TERT: variants seen among roughly 807,000 people sequenced by gnomAD.
TERT encodes the protein telomerase catalytic subunit.
TERT carries 42 observed loss-of-function variants against 104.0 expected under a neutral mutation model. The ratio of observed to expected loss-of-function variants is 0.40; its 90% CI spans 0.32 to 0.52. The LOEUF is 0.52. TERT is among the 20% of genes least tolerant of loss of function. The probability of loss-of-function intolerance (pLI) is 0.43; values close to 1 mark genes in which losing one functional copy is unlikely to be tolerated. For synonymous variants in TERT, 781 were observed against 725.6 expected, an observed-to-expected ratio of 1.08 and a Z score of -1.23; for missense variants, 1,101 against 1,610.3, an observed-to-expected ratio of 0.68 and a Z score of 5.41.
At chr5:1,254,326 C>A (rs1378399356) in intron 15 of TERT, 42 bp downstream of exon 15, 1 of 1,612,600 alleles carries the variant, frequency 6.2e-7, no homozygotes, top group East Asian at 2.2e-5. Context: ...AAGGATGACC[C>A]CTGGGCAGGT....
intron 8 of TERT, 44 bp downstream of exon 8, chr5:1,271,075 G>A (rs771353627): frequency 2.7e-5 from 41 of 1,527,048 alleles, no homozygotes; most frequent in Admixed American, 2.2e-4. Flanking sequence ...CTGCCAGCCC[G>A]CCCAGCCACC....
At chr5:1,276,687 T>C (rs112588394) in intron 6 of TERT, among the ~76,000 whole-genome samples, 1 of 46,058 alleles carries the variant, frequency 2.2e-5, no homozygotes, top group African/African-American at 4.7e-5. Context: ...ACCCCACACA[T>C]GAAAACCAAT....
chr5:1,279,454 G>A lies in TERT; in HGVS notation c.1967C>T (p.Ser656Leu). 3 of 1,549,844 alleles carry A rather than the reference G, an allele frequency of 1.9e-6. No homozygotes were observed. Among genetic ancestry groups the A allele is most frequent in the East Asian group, 2.4e-5 (1 of 41,034 alleles). The change falls in exon 5 of 16, where the codon TCG becomes TTG. Residue 656 changes from serine to leucine, a missense_variant. Around this residue, in one of 5 missense-constraint regions of TERT, gnomAD observed 463 missense variants for 797.5 expected, o/e 0.58. Transcript: ENST00000310581. Reference protein sequence around the residue: ...RREKRAERLTSRVKALFSVLN... With the variant: ...RREKRAERLTLRVKALFSVLN... ...CACGCTGAACAGTGCCTTCACCCTC[G>A]AGGTGAGACGCTCGGCCTGGCGGGG...
rs946930302 is a variant in TERT at position 1,257,847 on chromosome 5, C to T, written c.3032+751G>A. ...ACACTCCTTCTCAGCCCTCATGGGG[C>T]GAGGGCTTCGGCCTCCTGGCATTCA... On this transcript the variant is annotated intron_variant, in intron 13 of 15. Coordinates refer to ENST00000310581, the MANE Select transcript of TERT (RefSeq NM_198253.3). The surrounding 1 kb of genome is among the most constrained non-coding windows in gnomAD (Gnocchi z 5.6). 6.6e-6 allele frequency among the ~76,000 whole-genome samples: 1 copy of T among 152,202 alleles called. No individual in the cohort carries two copies. The highest frequency in any genetic ancestry group is 1.5e-5 in the Non-Finnish European group (1 of 68,038).
chr5:1,263,971 A>G lies in TERT; in HGVS notation c.2843+433T>C, dbSNP rs565151867. 6.6e-6 allele frequency among the ~76,000 whole-genome samples: 1 copy of G among 151,880 alleles called. No individual in the cohort carries two copies. The highest frequency in any genetic ancestry group is 2.4e-5 in the African/African-American group (1 of 41,322). On this transcript the variant is annotated intron_variant, in intron 11 of 15. Coordinates refer to ENST00000310581, the MANE Select transcript of TERT (RefSeq NM_198253.3). The surrounding 1 kb of genome is among the most constrained non-coding windows in gnomAD (Gnocchi z 5.3). ...CTCACAGCGGAGAGACTCACGCCCA[A>G]AAGGGCCCTGAAGTCTCTGGGTTCG...
chr5:1,254,064 G>A (rs1448269761), intron 15 of TERT, among the ~76,000 whole-genome samples: 1 of 152,224 alleles, frequency 6.6e-6, no homozygotes, highest in African/African-American at 2.4e-5. Context: ...GGAGCTCAGG[G>A]CAGCAGCCAG....
rs1296268344 is a variant in TERT at position 1,268,231 on chromosome 5, CT to C, written c.2582+288del. Among the ~76,000 whole-genome samples, 1 of 152,228 alleles carries C rather than the reference CT, an allele frequency of 6.6e-6. No homozygotes were observed. The highest frequency in any genetic ancestry group is 1.5e-5 in the Non-Finnish European group (1 of 68,042). On this transcript the variant is annotated intron_variant, in intron 9 of 15. Transcript: ENST00000310581. This position sits in a 1 kb window ranked among gnomAD's most constrained non-coding sequence, Gnocchi z 5.5. ...GGGTGACGTGACAGAAGCTGGTGTG[CT>C]TCCTCGGTGTTGAATTCACATGCTC... is the stretch of plus-strand genomic sequence containing the variant.
chr5:1,256,854 C>T lies in TERT; in HGVS notation c.3033-1443G>A, dbSNP rs1561188128. On this transcript the variant is annotated intron_variant, in intron 13 of 15. Transcript: ENST00000310581. This position sits in a 1 kb window ranked among gnomAD's most constrained non-coding sequence, Gnocchi z 7.0. ...GGAGAAATAGCCACCTGCTAGAGGT[C>T]GGGGCGTCCACCCCAAGCCCGTGTG... Among the ~76,000 whole-genome samples the T allele has an allele frequency of 6.6e-6, 1 of 152,184 alleles. No individual in the cohort carries two copies. Among genetic ancestry groups the T allele is most frequent in the Admixed American group, 6.5e-5 (1 of 15,284 alleles).
chr5:1,271,016 C>G, intron 8 of TERT, 103 bp downstream of exon 8: 1 of 945,530 alleles, frequency 1.1e-6, no homozygotes, highest in South Asian at 1.4e-5. Flanking sequence ...CTGGTGGCCC[C>G]GGGCAGAAGG....
Position 1,253,671 on chromosome 5 carries a change from C to T in TERT, c.*57G>A. ...GCCCCTCCCTCCCTGGGACGTAGAG[C>T]CCGGCGTGACAGGGCTGCTGGTGTC... On this transcript the variant is annotated 3_prime_UTR_variant, in exon 16 of 16. Transcript: ENST00000310581. 6.8e-6 allele frequency: 10 copies of T among 1,478,374 alleles called. No individual in the cohort carries two copies. Among genetic ancestry groups the T allele is most frequent in the East Asian group, 4.6e-5 (2 of 43,464 alleles). 91.6% of individuals were successfully genotyped at this position (1,478,374 alleles called of 1,614,324 possible).
chr5:1,282,376 G>C, intron 3 of TERT, 53 bp downstream of exon 3: 1 of 1,584,670 alleles, frequency 6.3e-7, no homozygotes, highest in Non-Finnish European at 8.7e-7. Flanking sequence ...GCTGAGGCCG[G>C]GCTGGTGTTC....
intron 7 of TERT, 110 bp from the exon 8 acceptor site, chr5:1,271,314 G>T: frequency 1.3e-6 from 1 of 792,632 alleles, no homozygotes; most frequent in South Asian, 1.5e-5. Flanking sequence ...TTGTGATGAA[G>T]TGCGGGGCTG....
intron 2 of TERT, among the ~76,000 whole-genome samples, chr5:1,289,464 C>T (rs34209796): frequency 5.3e-4 from 22 of 41,742 alleles, no homozygotes; most frequent in East Asian, 9.1e-4. Context: ...CCGGGGACGG[C>T]GCCTCACTCA....
intron 6 of TERT, among the ~76,000 whole-genome samples, chr5:1,276,346 C>T (rs1437778231): frequency 7.0e-6 from 1 of 143,146 alleles, no homozygotes; most frequent in Admixed American, 7.0e-5. Context: ...AGATCCCCAC[C>T]TACCCCACGG....
rs750312870 is a variant in TERT at position 1,288,612 on chromosome 5, G to C, written c.1573+4701C>G. On this transcript the variant is annotated intron_variant, in intron 2 of 15. Coordinates refer to ENST00000310581, the MANE Select transcript of TERT (RefSeq NM_198253.3). This position sits in a 1 kb window ranked among gnomAD's most constrained non-coding sequence, Gnocchi z 5.3. The stretch of plus-strand genomic sequence containing the variant: ...GTTGCCACCCACCCAAGGGGGCCAA[G>C]CAGAGGGGCAGCTTGGGAGAAAACA... Among the ~76,000 whole-genome samples, 1 of 152,232 alleles carries C rather than the reference G, an allele frequency of 6.6e-6. No homozygotes were observed. The highest frequency in any genetic ancestry group is 1.5e-5 in the Non-Finnish European group (1 of 68,012).
chr5:1,279,542 A>AT, intron 4 of TERT, 72 bp from the exon 5 acceptor site: 1 of 1,480,470 alleles, frequency 6.8e-7, no homozygotes, highest in Non-Finnish European at 9.2e-7. Flanking sequence ...ATAGGGACCC[A>AT]GGGGAGAAGC....
intron 2 of TERT, among the ~76,000 whole-genome samples, chr5:1,283,174 C>G (rs1387942422): frequency 1.4e-5 from 2 of 145,862 alleles, no homozygotes; most frequent in African/African-American, 2.6e-5. Context: ...GACCTCACCC[C>G]AGACCTGCAC....
rs746040728 is a variant in TERT, at chr5:1,280,254, C to A, written c.1854G>T (p.Thr618=). The change falls in exon 4 of 16, where the codon ACG becomes ACT. Residue 618 remains threonine, a synonymous_variant. Coordinates refer to ENST00000310581, the MANE Select transcript of TERT (RefSeq NM_198253.3). Reference sequence around the variant, plus strand: ...GCTTGGGGATGAAGCGGAGTCTGGACGTCAGCAGGGCGGGCCTGGCTTCCC... The same window carrying A: ...GCTTGGGGATGAAGCGGAGTCTGGAAGTCAGCAGGGCGGGCCTGGCTTCCC... ...QHREARPALL[T]SRLRFIPKPD... The A allele has an allele frequency of 6.2e-7, 1 of 1,613,818 alleles. No homozygotes were observed. The highest frequency in any genetic ancestry group is 8.5e-7 in the Non-Finnish European group (1 of 1,180,028).
At position 1,287,931 on chromosome 5, in the gene TERT, C is replaced by T. The variant is rs147453454; in HGVS notation, c.1574-5307G>A. 1.5e-3 allele frequency among the ~76,000 whole-genome samples: 233 copies of T among 151,466 alleles called. 1 individual carries two copies. The highest frequency in any genetic ancestry group is 5.3e-3 in the African/African-American group (218 of 41,248). On this transcript the variant is annotated intron_variant, in intron 2 of 15. Coordinates refer to ENST00000310581, the MANE Select transcript of TERT (RefSeq NM_198253.3). This position sits in a 1 kb window ranked among gnomAD's most constrained non-coding sequence, Gnocchi z 4.3. ...CACACTAGATCACAAAGCAAGGCTC[C>T]GCAAACTTCAAATAATTGGTATTAT...
Sources: gnomAD v4.1 joint callset for allele counts (sites outside exome capture counted in the v4.1 genomes callset) on GRCh38, gnomAD v4.1.1 for gene constraint, gnomAD v4.1.1 regional missense constraint, Gnocchi (gnomAD v3.1) non-coding constraint, MANE v1.5 for transcripts, NCBI Gene and HGNC (gene_info 2026-07-23, HGNC 2026-07-21) for gene names.